Variants in PPP2R5A observed in about 807,000 individuals in gnomAD.
PPP2R5A encodes protein phosphatase 2 regulatory subunit B'alpha, also known as serine/threonine-protein phosphatase 2A 56 kDa regulatory subunit alpha isoform.
PPP2R5A carries 25 observed loss-of-function variants against 64.2 expected under a neutral mutation model. The observed-to-expected ratio is 0.39, with a 90% CI of 0.28 to 0.54. The LOEUF (loss-of-function observed/expected upper bound fraction) is 0.54. Among genes scored for constraint, PPP2R5A ranks in the 20% least tolerant of loss-of-function variants. The probability of loss-of-function intolerance (pLI) is 0.67; values close to 1 mark genes in which losing one functional copy is unlikely to be tolerated. For missense variants in PPP2R5A, 425 were observed against 576.3 expected (o/e 0.74, Z 2.69); for synonymous variants, 198 against 201.2 (o/e 0.98, Z 0.13).
chr1:212,300,306 G>T (rs1164641405), intron 1 of PPP2R5A, among the ~76,000 whole-genome samples: 1 of 152,028 alleles, frequency 6.6e-6, no homozygotes, highest in Non-Finnish European at 1.5e-5. Context: ...AACTTCTATA[G>T]AACAGGAATG....
intron 1 of PPP2R5A, among the ~76,000 whole-genome samples, chr1:212,323,563 T>C (rs1273937882): frequency 6.6e-6 from 1 of 152,240 alleles, no homozygotes; most frequent in East Asian, 1.9e-4. Context: ...TGCTTCTAAA[T>C]ACTTCTAATG....
chr1:212,358,856 AAGGT>A (rs1660030808), intron 12 of PPP2R5A, 69 bp downstream of exon 12: 10 of 1,264,638 alleles, frequency 7.9e-6, no homozygotes, highest in Non-Finnish European at 1.1e-5. Flanking sequence ...TCAGTTCAGG[AAGGT>A]ATCTTCTCTC....
At chr1:212,326,570 C>T (rs1558148366) in intron 1 of PPP2R5A, among the ~76,000 whole-genome samples, 1 of 152,170 alleles carries the variant, frequency 6.6e-6, no homozygotes, top group South Asian at 2.1e-4. Context: ...ACACTCTAGC[C>T]TGGGCAGTAG....
At chr1:212,307,282 C>T in intron 1 of PPP2R5A, among the ~76,000 whole-genome samples, 1 of 148,778 alleles carries the variant, frequency 6.7e-6, no homozygotes. Flanking sequence ...TAGTGGCTGC[C>T]CTTGGGTTTA....
At chr1:212,321,512 G>A (rs1659292952) in intron 1 of PPP2R5A, among the ~76,000 whole-genome samples, 2 of 149,388 alleles carry the variant, frequency 1.3e-5, no homozygotes, top group South Asian at 2.1e-4. Flanking sequence ...CTTCTCAGAC[G>A]GGGCGGTTGC....
chr1:212,333,728 C>A, intron 3 of PPP2R5A, 130 bp downstream of exon 3: 1 of 499,244 alleles, frequency 2.0e-6, no homozygotes, highest in Non-Finnish European at 3.5e-6. Flanking sequence ...ACATTATCTT[C>A]TTTCATGCAA....
intron 3 of PPP2R5A, among the ~76,000 whole-genome samples, chr1:212,338,811 G>T (rs1659633282): frequency 6.6e-6 from 1 of 150,940 alleles, no homozygotes; most frequent in Non-Finnish European, 1.5e-5. Flanking sequence ...AAGAAAACAA[G>T]ACCATAGAAA....
At chr1:212,314,405 G>C (rs1659105433) in intron 1 of PPP2R5A, among the ~76,000 whole-genome samples, 1 of 151,694 alleles carries the variant, frequency 6.6e-6, no homozygotes, top group Admixed American at 6.6e-5. Context: ...TTTTAAGATG[G>C]GTTCTTAAAA....
At chr1:212,342,141 A>G in intron 3 of PPP2R5A, 47 bp from the exon 4 acceptor site, 1 of 1,595,272 alleles carries the variant, frequency 6.3e-7, no homozygotes, top group Admixed American at 1.8e-5. Context: ...ATTTAGGGTA[A>G]TATTCTGTAG....
intron 1 of PPP2R5A, among the ~76,000 whole-genome samples, chr1:212,311,416 T>C (rs1183128145): frequency 6.6e-6 from 1 of 151,592 alleles, no homozygotes; most frequent in African/African-American, 2.4e-5. Context: ...CAGTGAGCCA[T>C]GATCGTGCCA....
intron 8 of PPP2R5A, among the ~76,000 whole-genome samples, chr1:212,349,497 A>C (rs1365417968): frequency 6.6e-6 from 1 of 152,184 alleles, no homozygotes; most frequent in Non-Finnish European, 1.5e-5. Flanking sequence ...TGATAGGATC[A>C]GATGACCACA....
At chr1:212,343,240 A>C (rs367563121) in intron 4 of PPP2R5A, among the ~76,000 whole-genome samples, 1 of 152,202 alleles carries the variant, frequency 6.6e-6, no homozygotes, top group Non-Finnish European at 1.5e-5. Context: ...GGTGTGAGCC[A>C]CTGCACTGGC....
At chr1:212,320,695 C>A (rs1286772972) in intron 1 of PPP2R5A, among the ~76,000 whole-genome samples, 1 of 103,646 alleles carries the variant, frequency 9.6e-6, no homozygotes, top group African/African-American at 2.9e-5. Flanking sequence ...CTGACCCCCC[C>A]ACCTCCCTCC....
At chr1:212,323,341 T>C (rs1659345757) in intron 1 of PPP2R5A, among the ~76,000 whole-genome samples, 1 of 152,228 alleles carries the variant, frequency 6.6e-6, no homozygotes, top group South Asian at 2.1e-4. Context: ...TTAGTGCATA[T>C]AAAACACTTA....
chr1:212,295,705 A>C (rs1343568306), intron 1 of PPP2R5A, among the ~76,000 whole-genome samples: 1 of 152,110 alleles, frequency 6.6e-6, no homozygotes, highest in Non-Finnish European at 1.5e-5. Context: ...GTCTTTAAAA[A>C]CTGGGGGATG....
At chr1:212,334,691 ACTT>A (rs1326822916) in intron 3 of PPP2R5A, among the ~76,000 whole-genome samples, 1 of 152,094 alleles carries the variant, frequency 6.6e-6, no homozygotes, top group Non-Finnish European at 1.5e-5. Flanking sequence ...TTCTTTCAAC[ACTT>A]TGAACATGTC....
intron 8 of PPP2R5A, among the ~76,000 whole-genome samples, chr1:212,356,356 T>TAA (rs1659977430): frequency 6.6e-6 from 1 of 152,228 alleles, no homozygotes; most frequent in African/African-American, 2.4e-5. Flanking sequence ...CATTAGAACG[T>TAA]AAGCTCTGTG....
At chr1:212,357,317 CTT>C (rs376007639) in intron 11 of PPP2R5A, 33 bp downstream of exon 11, 465 of 1,151,152 alleles carry the variant, frequency 4.0e-4, no homozygotes, top group South Asian at 1.1e-3. Flanking sequence ...GTATTTTTTT[CTT>C]TTTTTTTTTT....
intron 3 of PPP2R5A, among the ~76,000 whole-genome samples, chr1:212,338,469 G>A (rs1659626917): frequency 6.6e-6 from 1 of 152,036 alleles, no homozygotes; most frequent in Non-Finnish European, 1.5e-5. Flanking sequence ...ACCATAGAAG[G>A]CTGGGCGCAG....
Sources: gnomAD v4.1 joint callset for allele counts (sites outside exome capture counted in the v4.1 genomes callset) on GRCh38, gnomAD v4.1.1 for gene constraint, MANE v1.5 for transcripts, NCBI Gene and HGNC (gene_info 2026-07-23, HGNC 2026-07-21) for gene names.